SNAP25: variants seen among roughly 807,000 people sequenced by gnomAD.
The protein encoded by SNAP25 is synaptosomal-associated protein 25.
A neutral mutation model predicts 28.7 loss-of-function variants in SNAP25; 3 were observed. The observed-to-expected ratio is 0.10, with a 90% CI of 0.05 to 0.27. The LOEUF is 0.27. SNAP25 is among the 10% of genes least tolerant of loss of function. The pLI, the probability that SNAP25 is intolerant of heterozygous loss-of-function variation, is 1.00. For synonymous variants in SNAP25, 61 were observed against 88.1 expected (o/e 0.69, Z 1.72); for missense variants, 117 against 278.7 (o/e 0.42, Z 4.13).
chr20:10,220,609 G>T (rs2062610974), intron 1 of SNAP25, among the ~76,000 whole-genome samples: 1 of 152,238 alleles, frequency 6.6e-6, no homozygotes, highest in Admixed American at 6.5e-5. Flanking sequence ...GCATCTGAGA[G>T]AGCAAAAGTC....
chr20:10,295,527 A>G (rs1347359483), intron 5 of SNAP25, among the ~76,000 whole-genome samples: 1 of 152,164 alleles, frequency 6.6e-6, no homozygotes, highest in Non-Finnish European at 1.5e-5. Context: ...GCGGCATTAT[A>G]GACTTGATTG....
chr20:10,245,006 C>T (rs796500478), intron 1 of SNAP25, among the ~76,000 whole-genome samples: 68 of 152,244 alleles, frequency 4.5e-4, no homozygotes, highest in African/African-American at 1.5e-3. Context: ...GCTGAGATTA[C>T]AGGCATGAGC....
At chr20:10,245,339 A>G (rs1316101077) in intron 1 of SNAP25, among the ~76,000 whole-genome samples, 5 of 152,114 alleles carry the variant, frequency 3.3e-5, no homozygotes, top group South Asian at 2.1e-4. Flanking sequence ...GTCTCTTTCA[A>G]TAACTGGAAC....
At chr20:10,299,153 A>G in intron 6 of SNAP25, 115 bp from the exon 7 acceptor site, 1 of 1,174,362 alleles carries the variant, frequency 8.5e-7, no homozygotes, top group Non-Finnish European at 1.2e-6. Context: ...GATGGAGATT[A>G]AAGATAGATA....
chr20:10,299,364 C>T lies in SNAP25; in HGVS notation c.504C>T (p.Gly168=). The T allele has an allele frequency of 1.2e-6, 2 of 1,613,970 alleles. No homozygotes were observed. The highest frequency in any genetic ancestry group is 1.7e-6 in the Non-Finnish European group (2 of 1,179,942). Reference sequence around the variant, plus strand: ...TCCGTCACATGGCCCTGGATATGGGCAATGAGATCGATACACAGAATCGCC... The same window carrying T: ...TCCGTCACATGGCCCTGGATATGGGTAATGAGATCGATACACAGAATCGCC... ...GNLRHMALDM[G]NEIDTQNRQI... is the part of the protein sequence containing the mutation. Residue 168 remains glycine, a synonymous_variant, in exon 7 of 8, where the codon GGC becomes GGT. Coordinates refer to ENST00000254976, the MANE Select transcript of SNAP25 (RefSeq NM_130811.4).
chr20:10,274,736 G>T (rs185051856), intron 1 of SNAP25, among the ~76,000 whole-genome samples: 2 of 152,066 alleles, frequency 1.3e-5, no homozygotes, highest in Non-Finnish European at 2.9e-5. Context: ...CCAGCTACTC[G>T]GGAGGCTGAG....
chr20:10,300,251 A>G (rs1316246314), intron 7 of SNAP25, among the ~76,000 whole-genome samples: 2 of 152,180 alleles, frequency 1.3e-5, no homozygotes, highest in Non-Finnish European at 2.9e-5. Flanking sequence ...GTTCCTATAA[A>G]GAGACCTAGG....
Position 10,284,865 on chromosome 20 carries a change from T to C in SNAP25, c.163+93T>C, listed in dbSNP as rs1268471926. The C allele has an allele frequency of 7.1e-6, 7 of 986,878 alleles. No individual in the cohort carries two copies. The African/African-American group carries it at 1.1e-4, about 16-fold the overall frequency. The allele number at this position is 986,878 out of a possible 1,614,324, so 61.1% of individuals were successfully genotyped here. ...GCATACGCAGATGGTCGCTTTGACA[T>C]GTGTTACACATGTACACGAATGTGA... is the stretch of plus-strand genomic sequence containing the variant. On this transcript the variant is annotated intron_variant, in intron 4 of 7. Transcript: ENST00000254976.
At chr20:10,291,526 A>C (rs1264946643) in intron 4 of SNAP25, among the ~76,000 whole-genome samples, 1 of 152,234 alleles carries the variant, frequency 6.6e-6, no homozygotes, top group Non-Finnish European at 1.5e-5. Context: ...AGCATAAGAG[A>C]AATAGCAGAT....
intron 1 of SNAP25, among the ~76,000 whole-genome samples, chr20:10,222,520 G>A (rs2062653114): frequency 6.6e-6 from 1 of 152,134 alleles, no homozygotes; most frequent in Non-Finnish European, 1.5e-5. Context: ...TGGGTGGAGT[G>A]GGAAGCTTGG....
intron 1 of SNAP25, among the ~76,000 whole-genome samples, chr20:10,221,222 C>T (rs928500609): frequency 1.3e-5 from 2 of 152,130 alleles, no homozygotes; most frequent in African/African-American, 4.8e-5. Context: ...GTAATTACTG[C>T]TGGGTTTGTT....
intron 4 of SNAP25, chr20:10,292,838 C>G: frequency 7.8e-7 from 1 of 1,285,372 alleles, no homozygotes; most frequent in Non-Finnish European, 1.1e-6. Flanking sequence ...GTTGGAGACC[C>G]CCAAAAAATT....
In SNAP25 at chr20:10,296,908, C is replaced by T. The variant is rs778696808; in HGVS notation, c.282-17C>T. On this transcript the variant is annotated splice_polypyrimidine_tract_variant and intron_variant, in intron 5 of 7. Coordinates refer to ENST00000254976, the MANE Select transcript of SNAP25 (RefSeq NM_130811.4). ...CTCCACCCCTGTGCCTTGTCACTCA[C>T]CCTCTCTTTTGCATAGGCTTAAATC... 11 of 1,613,952 alleles carry T rather than the reference C, an allele frequency of 6.8e-6. No individual in the cohort carries two copies. The East Asian group carries it at 2.2e-4, about 33-fold the overall frequency.
At chr20:10,233,517 A>T (rs1156744251) in intron 1 of SNAP25, among the ~76,000 whole-genome samples, 1 of 152,170 alleles carries the variant, frequency 6.6e-6, no homozygotes, top group Non-Finnish European at 1.5e-5. Flanking sequence ...CGTTCCATCA[A>T]TCACAAAAAA....
At chr20:10,224,641 C>T (rs1479127286) in intron 1 of SNAP25, among the ~76,000 whole-genome samples, 3 of 151,842 alleles carry the variant, frequency 2.0e-5, no homozygotes, top group Non-Finnish European at 4.4e-5. Flanking sequence ...TTACATTCAT[C>T]GCCTCCCTCA....
At chr20:10,233,076 A>G (rs1469660494) in intron 1 of SNAP25, among the ~76,000 whole-genome samples, 1 of 152,210 alleles carries the variant, frequency 6.6e-6, no homozygotes, top group Non-Finnish European at 1.5e-5. Flanking sequence ...AAAGAACTTC[A>G]TAAAATCCAA....
At chr20:10,220,402 G>A (rs1350301015) in intron 1 of SNAP25, among the ~76,000 whole-genome samples, 1 of 152,206 alleles carries the variant, frequency 6.6e-6, no homozygotes, top group Non-Finnish European at 1.5e-5. Context: ...GATAGCTTTA[G>A]ATTTTGACAA....
At chr20:10,303,452 A>G (rs867978275) in intron 7 of SNAP25, among the ~76,000 whole-genome samples, 1 of 152,170 alleles carries the variant, frequency 6.6e-6, no homozygotes, top group Admixed American at 6.5e-5. Flanking sequence ...AACTTTGCAA[A>G]TTTCTATTTG....
At chr20:10,286,775 A>G (rs1222132410) in intron 4 of SNAP25, among the ~76,000 whole-genome samples, 1 of 152,212 alleles carries the variant, frequency 6.6e-6, no homozygotes, top group Non-Finnish European at 1.5e-5. Context: ...AAACCCCAAC[A>G]TTTTTCCTTC....
Sources: gnomAD v4.1 joint callset for allele counts (sites outside exome capture counted in the v4.1 genomes callset) on GRCh38, gnomAD v4.1.1 for gene constraint, MANE v1.5 for transcripts, NCBI Gene and HGNC (gene_info 2026-07-23, HGNC 2026-07-21) for gene names.